Variants in SEMA3A observed in about 807,000 individuals in gnomAD.
The protein encoded by SEMA3A is semaphorin-3A.
In SEMA3A, 29 loss-of-function variants were observed where a neutral mutation model predicts 97.9. That is an observed-to-expected ratio of 0.30 (90% CI 0.22 to 0.40). The LOEUF (loss-of-function observed/expected upper bound fraction) is 0.40, where lower values mean the gene tolerates loss of function less well. SEMA3A is among the 10% of genes least tolerant of loss of function. The pLI, the probability that SEMA3A is intolerant of heterozygous loss-of-function variation, is 1.00. For missense variants in SEMA3A, 763 were observed against 951.3 expected (o/e 0.80, Z 2.60); for synonymous variants, 321 against 323.7 (o/e 0.99, Z 0.09).
upstream of SEMA3A, chr7:84,194,887 G>A (rs2116279649): frequency 4.1e-6 from 1 of 245,238 alleles, no homozygotes; most frequent in South Asian, 1.5e-4. Context: ...AACAAGGTCT[G>A]CTGCAGTGGT....
At chr7:84,143,679 G>T (rs1213772882) in intron 1 of SEMA3A, among the ~76,000 whole-genome samples, 1 of 151,194 alleles carries the variant, frequency 6.6e-6, no homozygotes, top group African/African-American at 2.4e-5. Flanking sequence ...AACATAGCAA[G>T]ATCCCATCTC....
At chr7:84,332,811 T>C (rs1801939943) in intron 2 of SEMA3A, among the ~76,000 whole-genome samples, 1 of 152,078 alleles carries the variant, frequency 6.6e-6, no homozygotes, top group Non-Finnish European at 1.5e-5. Context: ...AAACATTGAG[T>C]ACCTTTATTA....
intron 1 of SEMA3A, among the ~76,000 whole-genome samples, chr7:84,469,010 A>G (rs1806076112): frequency 6.6e-6 from 1 of 152,092 alleles, no homozygotes; most frequent in African/African-American, 2.4e-5. Context: ...GAAAATGTAA[A>G]GAAATTTTTT....
chr7:84,134,530 T>C (rs1486706074), intron 2 of SEMA3A, among the ~76,000 whole-genome samples: 1 of 152,234 alleles, frequency 6.6e-6, no homozygotes, highest in African/African-American at 2.4e-5. Context: ...TTTACTTTTA[T>C]GTAGGAAAAA....
Position 84,134,797 on chromosome 7 carries a change from T to C in SEMA3A, c.267A>G (p.Gln89=), listed in dbSNP as rs74349534. ...GCATATATTAGAATACTGATACCTT[T>C]TGAAAATCCTTGATATTAACCAGGT... is the stretch of plus-strand genomic sequence containing the variant. The part of the protein sequence containing the change: ...SFDLVNIKDF[Q]KIVWPVSYTR... The change falls in exon 2 of 17, where the codon CAA becomes CAG. Residue 89 remains glutamine (Q), a synonymous_variant. Coordinates refer to ENST00000265362, the MANE Select transcript of SEMA3A (RefSeq NM_006080.3). The C allele has an allele frequency of 0.011, 17,190 of 1,608,202 alleles. 132 individuals are homozygous for C. The highest frequency in any genetic ancestry group is 0.012 in the Non-Finnish European group (14,199 of 1,176,528).
intron 3 of SEMA3A, among the ~76,000 whole-genome samples, chr7:84,211,272 T>G (rs893454691): frequency 6.6e-6 from 1 of 152,082 alleles, no homozygotes; most frequent in Non-Finnish European, 1.5e-5. Flanking sequence ...TATGCTAGCC[T>G]TGGTGAAAGG....
intron 3 of SEMA3A, among the ~76,000 whole-genome samples, chr7:84,299,178 C>A (rs1200750810): frequency 1.3e-5 from 2 of 151,428 alleles, no homozygotes; most frequent in African/African-American, 2.4e-5. Context: ...TGGGGCTTTA[C>A]CTTGTGATCC....
chr7:84,357,021 T>C (rs925493381), intron 2 of SEMA3A, among the ~76,000 whole-genome samples: 50 of 151,980 alleles, frequency 3.3e-4, no homozygotes, highest in African/African-American at 1.2e-3. Flanking sequence ...ATAGTATCAA[T>C]ATTGATTAAG....
chr7:84,146,082 G>C (rs1796454748), intron 1 of SEMA3A, among the ~76,000 whole-genome samples: 1 of 152,114 alleles, frequency 6.6e-6, no homozygotes, highest in Admixed American at 6.5e-5. Context: ...TTGAGAATTA[G>C]CAGACATCTA....
intron 12 of SEMA3A, among the ~76,000 whole-genome samples, 171 bp downstream of exon 12, chr7:84,001,784 C>G (rs1790464244): frequency 6.6e-6 from 1 of 151,972 alleles, no homozygotes; most frequent in African/African-American, 2.4e-5. Context: ...ATTTAACTAG[C>G]ATTGAAAGTT....
intron 4 of SEMA3A, among the ~76,000 whole-genome samples, chr7:84,073,934 T>C (rs567529899): frequency 6.6e-6 from 1 of 151,792 alleles, no homozygotes; most frequent in Admixed American, 6.6e-5. Flanking sequence ...CTTAAAAATT[T>C]ATAGACTTTA....
intron 3 of SEMA3A, among the ~76,000 whole-genome samples, chr7:84,239,507 G>T (rs1799311479): frequency 6.6e-6 from 1 of 151,774 alleles, no homozygotes; most frequent in Non-Finnish European, 1.5e-5. Context: ...TTACTTGAGG[G>T]AATAATTACA....
At chr7:84,486,265 G>A (rs1308799157) in intron 1 of SEMA3A, among the ~76,000 whole-genome samples, 1 of 152,136 alleles carries the variant, frequency 6.6e-6, no homozygotes, top group Non-Finnish European at 1.5e-5. Context: ...GCATGTGCCT[G>A]TAATCTCAGC....
intron 1 of SEMA3A, among the ~76,000 whole-genome samples, chr7:84,415,014 G>A (rs1284794756): frequency 6.6e-6 from 1 of 151,838 alleles, no homozygotes; most frequent in Admixed American, 6.6e-5. Context: ...ACTTAATAAG[G>A]GAACCAGTAA....
intron 3 of SEMA3A, among the ~76,000 whole-genome samples, chr7:84,203,500 GTGTATATATATATA>G (rs1243961081): frequency 1.3e-5 from 1 of 74,640 alleles, no homozygotes; most frequent in African/African-American, 5.6e-5. Flanking sequence ...CTTTGTGTGT[GTGTATATATATATA>G]TATATATATA....
At chr7:84,349,540 T>G (rs1802385378) in intron 2 of SEMA3A, among the ~76,000 whole-genome samples, 1 of 152,190 alleles carries the variant, frequency 6.6e-6, no homozygotes, top group South Asian at 2.1e-4. Context: ...ATGGTTTTCC[T>G]GAATAAGTGA....
chr7:84,037,486 C>T (rs1472495852), intron 6 of SEMA3A, among the ~76,000 whole-genome samples: 3 of 152,030 alleles, frequency 2.0e-5, no homozygotes, highest in Non-Finnish European at 4.4e-5. Context: ...TGCCACCATA[C>T]CTGCCTAATT....
At chr7:84,461,929 T>C (rs1805851015) in intron 1 of SEMA3A, among the ~76,000 whole-genome samples, 1 of 152,134 alleles carries the variant, frequency 6.6e-6, no homozygotes, top group Non-Finnish European at 1.5e-5. Context: ...GTAGTAGGAT[T>C]TGGAGGTTTT....
intron 5 of SEMA3A, among the ~76,000 whole-genome samples, chr7:84,050,633 C>T (rs955011539): frequency 1.3e-4 from 20 of 151,924 alleles, no homozygotes; most frequent in East Asian, 3.9e-4. Context: ...GAGTAGGTTG[C>T]GAAAATTTTC....
Sources: allele counts gnomAD v4.1 joint callset (sites outside exome capture counted in the v4.1 genomes callset), GRCh38; gene constraint gnomAD v4.1.1; transcripts MANE v1.5; gene names NCBI Gene and HGNC (gene_info 2026-07-23, HGNC 2026-07-21).